WDPCP: variants seen among roughly 807,000 people sequenced by gnomAD.
The protein encoded by WDPCP is WD repeat containing planar cell polarity effector.
A neutral mutation model predicts 93.1 loss-of-function variants in WDPCP; 71 were observed. That is an observed-to-expected ratio of 0.76 (90% CI 0.63 to 0.93). WDPCP has a LOEUF of 0.93. Among genes scored for constraint, WDPCP ranks in the 40% least tolerant of loss-of-function variants. The pLI is 0.00. For missense variants in WDPCP, 844 were observed against 887.4 expected (o/e 0.95, Z 0.62); for synonymous variants, 315 against 315.0 (o/e 1.00, Z 0.00).
In WDPCP at chr2:63,671,017, C is replaced by G. The variant is rs58051386; in HGVS notation, n.309-20179G>C. 9.0e-3 allele frequency among the ~76,000 whole-genome samples: 1,368 copies of G among 152,256 alleles called. 19 individuals carry two copies. The highest frequency in any genetic ancestry group is 0.03 in the African/African-American group (1,260 of 41,532). ...AGAGAAGGGAATGAAAGAGGGGAAT[C>G]CCACTGCACAGTTCGAACCTTTAAT... On this transcript the variant is annotated intron_variant and non_coding_transcript_variant, in intron 2 of 4. Transcript: ENST00000467687.
Position 63,222,317 on chromosome 2 carries a change from A to G in WDPCP, c.1915+36990T>C, listed in dbSNP as rs530711344. On this transcript the variant is annotated intron_variant, in intron 14 of 17. Coordinates refer to ENST00000272321, the MANE Select transcript of WDPCP (RefSeq NM_015910.7). Reference sequence around the variant, plus strand: ...TCTACTGTTTAAGTTTAGCTTCTTTAAAACTTCTACCATCAGACTTGTGGG... The same window carrying G: ...TCTACTGTTTAAGTTTAGCTTCTTTGAAACTTCTACCATCAGACTTGTGGG... 7.2e-5 allele frequency among the ~76,000 whole-genome samples: 11 copies of G among 152,190 alleles called. No individual in the cohort carries two copies. In the South Asian group the frequency reaches 1.0e-3, roughly 14 times the overall value.
chr2:63,611,654 C>T (rs1370757436), intron 3 of WDPCP, among the ~76,000 whole-genome samples: 2 of 152,090 alleles, frequency 1.3e-5, no homozygotes, highest in Non-Finnish European at 2.9e-5. Flanking sequence ...TTAAACAAAC[C>T]TCAAAACAAG....
At chr2:63,447,854 G>A (rs1414904335) in intron 6 of WDPCP, among the ~76,000 whole-genome samples, 1 of 152,008 alleles carries the variant, frequency 6.6e-6, no homozygotes, top group Non-Finnish European at 1.5e-5. Context: ...CACATACACA[G>A]ATGAGTGTTT....
At chr2:63,493,432 T>C (rs1016572872) in intron 1 of WDPCP, among the ~76,000 whole-genome samples, 1 of 152,124 alleles carries the variant, frequency 6.6e-6, no homozygotes, top group African/African-American at 2.4e-5. Context: ...ATATAGTTAC[T>C]ATTATACTAT....
chr2:63,120,514 G>T lies in WDPCP; in HGVS notation c.*1492C>A, dbSNP rs894117658. On this transcript the variant is annotated 3_prime_UTR_variant, in exon 18 of 18. Coordinates refer to ENST00000272321, the MANE Select transcript of WDPCP (RefSeq NM_015910.7). ...TTAAACAATGTTGATTATTATTATA[G>T]ATGTCTATAATTTTTTTTTTTTTTT... Among the ~76,000 whole-genome samples the T allele has an allele frequency of 1.4e-5, 2 of 147,152 alleles. No homozygotes were observed. The highest frequency in any genetic ancestry group is 6.9e-5 in the Admixed American group (1 of 14,428).
chr2:63,260,010 T>C (rs1346548537), intron 13 of WDPCP, among the ~76,000 whole-genome samples: 1 of 152,124 alleles, frequency 6.6e-6, no homozygotes, highest in Non-Finnish European at 1.5e-5. Context: ...TTATAGCACA[T>C]ATGTGCAGAG....
intron 2 of WDPCP, among the ~76,000 whole-genome samples, chr2:63,714,417 C>T (rs1337483930): frequency 6.6e-6 from 1 of 152,032 alleles, no homozygotes; most frequent in African/African-American, 2.4e-5. Context: ...GACTATACCT[C>T]CCTTATAAGA....
intron 14 of WDPCP, among the ~76,000 whole-genome samples, chr2:63,245,414 G>A (rs561139751): frequency 3.3e-5 from 5 of 152,270 alleles, no homozygotes; most frequent in South Asian, 2.1e-4. Flanking sequence ...ACAGAAAGTC[G>A]AGCTTTTTGA....
chr2:63,551,683 T>C (rs1376953415), intron 1 of WDPCP, among the ~76,000 whole-genome samples: 3 of 152,214 alleles, frequency 2.0e-5, no homozygotes, highest in South Asian at 4.1e-4. Context: ...CAAGGACATG[T>C]TGGACACACT....
At chr2:63,609,942 C>T (rs1709598076) in intron 3 of WDPCP, among the ~76,000 whole-genome samples, 1 of 152,170 alleles carries the variant, frequency 6.6e-6, no homozygotes, top group Non-Finnish European at 1.5e-5. Context: ...ATCTAGATTA[C>T]TTGTAGAAAC....
chr2:63,209,022 A>G (rs1361616620), intron 14 of WDPCP, among the ~76,000 whole-genome samples: 1 of 152,176 alleles, frequency 6.6e-6, no homozygotes, highest in Admixed American at 6.5e-5. Context: ...CTGGGTGCTT[A>G]CAGCCAGAAG....
intron 2 of WDPCP, chr2:63,752,255 T>C (rs1669895199): frequency 6.3e-6 from 5 of 787,658 alleles, no homozygotes; most frequent in Admixed American, 3.5e-5. Flanking sequence ...AATTTTTCCA[T>C]ACTGTTCAAA....
At chr2:63,748,928 G>A (rs1669837831) in intron 2 of WDPCP, among the ~76,000 whole-genome samples, 1 of 151,990 alleles carries the variant, frequency 6.6e-6, no homozygotes, top group Admixed American at 6.6e-5. Context: ...TACAAGTCTG[G>A]GGTGCTCTAA....
intron 3 of WDPCP, chr2:63,597,453 T>C: frequency 6.6e-7 from 1 of 1,504,890 alleles, no homozygotes. Flanking sequence ...GATGTGGCCA[T>C]TCTTGTGGGC....
At chr2:63,453,178 T>G (rs185775992) in intron 6 of WDPCP, among the ~76,000 whole-genome samples, 8 of 152,152 alleles carry the variant, frequency 5.3e-5, no homozygotes, top group Admixed American at 4.6e-4. Context: ...GGGAGAAAAT[T>G]TTTGCAATCT....
At chr2:63,265,260 A>C (rs1240293266) in intron 13 of WDPCP, among the ~76,000 whole-genome samples, 1 of 152,012 alleles carries the variant, frequency 6.6e-6, no homozygotes, top group African/African-American at 2.4e-5. Flanking sequence ...TGAAAAGATA[A>C]ACAAAACTGA....
chr2:63,589,394 G>A (rs749430535), upstream of WDPCP: 3 of 1,550,160 alleles, frequency 1.9e-6, no homozygotes, highest in East Asian at 7.3e-5. Flanking sequence ...GGTTTGCGAT[G>A]GGAGGGAAAG....
At chr2:63,366,169 G>A (rs1039951586) in intron 12 of WDPCP, among the ~76,000 whole-genome samples, 1 of 152,102 alleles carries the variant, frequency 6.6e-6, no homozygotes, top group African/African-American at 2.4e-5. Context: ...ATTTTCAAAA[G>A]GAGGCATTTT....
chr2:63,640,673 GT>G (rs1709971315), intron 3 of WDPCP, among the ~76,000 whole-genome samples: 1 of 152,024 alleles, frequency 6.6e-6, no homozygotes, highest in Non-Finnish European at 1.5e-5. Flanking sequence ...AAAATATTTT[GT>G]TTGTATTTTT....
Sources: allele counts gnomAD v4.1 joint callset (sites outside exome capture counted in the v4.1 genomes callset), GRCh38; gene constraint gnomAD v4.1.1; transcripts MANE v1.5; gene names NCBI Gene and HGNC (gene_info 2026-07-23, HGNC 2026-07-21).